Variants in RANBP17 observed in about 807,000 individuals in gnomAD.
RANBP17 encodes the protein RAN binding protein 17.
RANBP17 carries 158 observed loss-of-function variants against 141.2 expected under a neutral mutation model. The observed-to-expected ratio is 1.12, with a 90% confidence interval of 0.98 to 1.28. The LOEUF (loss-of-function observed/expected upper bound fraction) is 1.28. Ranked by LOEUF, RANBP17 falls within the 50% of genes most tolerant of loss-of-function variation. The pLI is 0.00. For missense variants in RANBP17, 1,438 were observed against 1,290.7 expected, an observed-to-expected ratio of 1.11 and a Z score of -1.75; for synonymous variants, 430 against 450.0, an observed-to-expected ratio of 0.96 and a Z score of 0.56.
At chr5:171,034,925 T>G (rs1781774968) in intron 14 of RANBP17, among the ~76,000 whole-genome samples, 1 of 152,100 alleles carries the variant, frequency 6.6e-6, no homozygotes, top group South Asian at 2.1e-4. Context: ...CAGGCTCAAG[T>G]GACCCTCCTG....
At chr5:171,024,101 A>G (rs1475490699) in intron 14 of RANBP17, among the ~76,000 whole-genome samples, 1 of 152,214 alleles carries the variant, frequency 6.6e-6, no homozygotes, top group Non-Finnish European at 1.5e-5. Context: ...TTAACTGTAT[A>G]GGCTTGGTCT....
intron 22 of RANBP17, among the ~76,000 whole-genome samples, chr5:171,236,617 C>T (rs1179042717): frequency 6.6e-6 from 1 of 152,042 alleles, no homozygotes; most frequent in East Asian, 1.9e-4. Context: ...TATAGTTCCT[C>T]CAAATGTGAA....
intron 24 of RANBP17, among the ~76,000 whole-genome samples, chr5:171,248,727 T>C (rs1205804933): frequency 6.6e-6 from 1 of 152,120 alleles, no homozygotes; most frequent in Admixed American, 6.6e-5. Context: ...CATCTGCCCC[T>C]GGAAACCACA....
At chr5:171,218,652 A>G (rs779755088) in intron 21 of RANBP17, among the ~76,000 whole-genome samples, 13 of 151,644 alleles carry the variant, frequency 8.6e-5, no homozygotes, top group Admixed American at 2.0e-4. Context: ...TTAGCATTAT[A>G]TAACGCCCTT....
chr5:171,183,382 C>A lies in RANBP17; in HGVS notation c.1990C>A (p.Arg664=). The change falls in exon 18 of 28, where the codon CGA becomes AGA. Residue 664 remains arginine, a synonymous_variant. Coordinates refer to ENST00000523189, the MANE Select transcript of RANBP17 (RefSeq NM_022897.5). The part of the protein sequence containing the change: ...DNHSLSDFRC[R]TTFYTALTRL... ...TCATAGTCTCAGCGACTTCAGGTGT[C>A]GAACAACCTTCTACACAGCGCTCAC... 6.2e-7 allele frequency: 1 copy of A among 1,613,884 alleles called. No individual in the cohort carries two copies. The highest frequency in any genetic ancestry group is 1.1e-5 in the South Asian group (1 of 91,044).
At chr5:170,865,118 A>G (rs1402044697) in intron 1 of RANBP17, among the ~76,000 whole-genome samples, 3 of 152,060 alleles carry the variant, frequency 2.0e-5, no homozygotes, top group Non-Finnish European at 4.4e-5. Context: ...GCTGGAGTGC[A>G]GTGGTGGAAT....
rs374261008 is a variant in RANBP17, at chr5:171,174,017, C to A, written c.1865+2731C>A. Among the ~76,000 whole-genome samples, 148 of 152,180 alleles carry A rather than the reference C, an allele frequency of 9.7e-4. 2 individuals carry two copies. In the South Asian group the frequency reaches 0.03, roughly 31 times the overall value. ...AATAATGATGTGGGGACGTAAGTCC[C>A]CAGATTGTAACTGGATGACTGTTGC... On this transcript the variant is annotated intron_variant, in intron 16 of 27. Coordinates refer to ENST00000523189, the MANE Select transcript of RANBP17 (RefSeq NM_022897.5).
intron 14 of RANBP17, among the ~76,000 whole-genome samples, chr5:170,978,477 A>G (rs1001346755): frequency 3.3e-5 from 5 of 152,196 alleles, no homozygotes; most frequent in African/African-American, 1.2e-4. Context: ...GGATAAATAA[A>G]TTAATGTATA....
At chr5:171,102,211 C>T (rs747505661) in intron 14 of RANBP17, among the ~76,000 whole-genome samples, 5 of 152,104 alleles carry the variant, frequency 3.3e-5, no homozygotes, top group Admixed American at 6.6e-5. Context: ...CCATTCTTCC[C>T]GTCACTTTCC....
At chr5:170,964,618 A>G (rs148919228) in intron 13 of RANBP17, among the ~76,000 whole-genome samples, 1,553 of 152,110 alleles carry the variant, frequency 0.01, 63 homozygotes, top group East Asian at 0.08. Flanking sequence ...CCATTGTTCA[A>G]TTCCCACCTA....
chr5:171,252,520 C>T (rs773756186), intron 24 of RANBP17: 4 of 1,430,218 alleles, frequency 2.8e-6, no homozygotes, highest in Non-Finnish European at 3.9e-6. Context: ...TGAAGAGTGT[C>T]GCAGCAAACA....
chr5:171,212,421 TAGAG>T (rs1277910719), intron 20 of RANBP17, among the ~76,000 whole-genome samples: 3 of 152,088 alleles, frequency 2.0e-5, no homozygotes, highest in Non-Finnish European at 2.9e-5. Flanking sequence ...AGGGATATGT[TAGAG>T]AGAAGAAGTG....
At chr5:171,242,179 G>C (rs1248326097) in intron 23 of RANBP17, among the ~76,000 whole-genome samples, 1 of 152,004 alleles carries the variant, frequency 6.6e-6, no homozygotes, top group African/African-American at 2.4e-5. Context: ...TTGCATTTGA[G>C]ATTTTTCAGG....
intron 18 of RANBP17, among the ~76,000 whole-genome samples, chr5:171,184,357 T>C (rs1395088853): frequency 6.6e-6 from 1 of 152,202 alleles, no homozygotes; most frequent in African/African-American, 2.4e-5. Flanking sequence ...TGGAGGGTAC[T>C]ATGTTAAGTG....
chr5:171,120,772 CCTTA>C (rs1277243287), intron 14 of RANBP17, among the ~76,000 whole-genome samples: 1 of 152,084 alleles, frequency 6.6e-6, no homozygotes, highest in Admixed American at 6.6e-5. Flanking sequence ...TGTTATGTTT[CCTTA>C]CTTTTTCATG....
At position 171,221,845 on chromosome 5, in the gene RANBP17, G is replaced by A. The variant is rs1763579253; in HGVS notation, c.2422+5G>A. ...GTAAAATGGTTTGCACTTATGGTGA[G>A]TGTCCTTTTCCATATGTGCCTCTGC... On this transcript the variant is annotated splice_donor_5th_base_variant and intron_variant, in intron 22 of 27. Coordinates refer to ENST00000523189, the MANE Select transcript of RANBP17 (RefSeq NM_022897.5). 6.5e-7 allele frequency: 1 copy of A among 1,540,804 alleles called. No homozygotes were observed. The highest frequency in any genetic ancestry group is 1.7e-5 in the Admixed American group (1 of 59,310).
At chr5:171,020,272 G>A (rs1250567573) in intron 14 of RANBP17, among the ~76,000 whole-genome samples, 1 of 152,146 alleles carries the variant, frequency 6.6e-6, no homozygotes, top group Non-Finnish European at 1.5e-5. Context: ...TTCTGTGGAT[G>A]TCTATTAGGT....
chr5:170,893,273 T>C (rs1045090661), intron 4 of RANBP17, among the ~76,000 whole-genome samples: 1 of 150,398 alleles, frequency 6.6e-6, no homozygotes, highest in Non-Finnish European at 1.5e-5. Context: ...CAAAACAAAA[T>C]AAACAGAGGC....
intron 14 of RANBP17, among the ~76,000 whole-genome samples, chr5:171,162,937 G>A (rs1040374246): frequency 2.0e-5 from 3 of 152,182 alleles, no homozygotes; most frequent in African/African-American, 7.2e-5. Context: ...TGCCTCTTAA[G>A]AGATTTGTTA....
Sources: gnomAD v4.1 joint callset for allele counts (sites outside exome capture counted in the v4.1 genomes callset) on GRCh38, gnomAD v4.1.1 for gene constraint, MANE v1.5 for transcripts, NCBI Gene and HGNC (gene_info 2026-07-23, HGNC 2026-07-21) for gene names.